FAM76A: variants seen among roughly 807,000 people sequenced by gnomAD.
FAM76A encodes protein FAM76A.
Under a neutral mutation model 46.2 loss-of-function variants are expected in FAM76A, and 32 were observed. That is an observed-to-expected ratio of 0.69 (90% confidence interval 0.52 to 0.93). The LOEUF is 0.93. Among genes scored for constraint, FAM76A ranks in the 40% least tolerant of loss-of-function variants. FAM76A has a pLI of 0.00. For synonymous variants in FAM76A, 137 were observed against 127.0 expected (o/e 1.08, Z -0.53); for missense variants, 274 against 361.5 (o/e 0.76, Z 1.96).
At chr1:27,748,457 C>T (rs2088278757) in intron 5 of FAM76A, among the ~76,000 whole-genome samples, 1 of 143,024 alleles carries the variant, frequency 7.0e-6, no homozygotes, top group South Asian at 2.2e-4. Flanking sequence ...ACAGATTATA[C>T]TTCTTATTGA....
rs1557775941 is a variant in FAM76A, at chr1:27,734,023, C to T, written c.202-8C>T. ...AATACTTACTTGACTCTTTTTTCCC[C>T]TTTTAAGCCCAAACCTTGTCAGTAT... On this transcript the variant is annotated splice_polypyrimidine_tract_variant and splice_region_variant and intron_variant, in intron 3 of 8. Coordinates refer to ENST00000373954, the MANE Select transcript of FAM76A (RefSeq NM_152660.3). The T allele has an allele frequency of 3.8e-6, 6 of 1,596,026 alleles. No homozygotes were observed. The East Asian group carries it at 6.7e-5, about 18-fold the overall frequency.
chr1:27,729,227 A>G (rs577271954), intron 2 of FAM76A, among the ~76,000 whole-genome samples: 5 of 151,008 alleles, frequency 3.3e-5, no homozygotes, highest in African/African-American at 1.2e-4. Context: ...TTCTTTTATG[A>G]GACAGGGTCT....
intron 4 of FAM76A, among the ~76,000 whole-genome samples, chr1:27,735,517 T>C (rs1277138302): frequency 1.3e-5 from 2 of 152,200 alleles, no homozygotes; most frequent in Admixed American, 1.3e-4. Flanking sequence ...AAGGGCTGAC[T>C]CTTGCTTACC....
chr1:27,759,486 A>G (rs751875896), intron 7 of FAM76A, 40 bp from the exon 8 acceptor site: 11 of 1,454,740 alleles, frequency 7.6e-6, no homozygotes, highest in Admixed American at 2.2e-5. Context: ...TTTTTATTGC[A>G]CAGAAATTTC....
At chr1:27,753,033 G>T (rs1436746393) in intron 6 of FAM76A, among the ~76,000 whole-genome samples, 1 of 152,144 alleles carries the variant, frequency 6.6e-6, no homozygotes, top group South Asian at 2.1e-4. Flanking sequence ...GGTGGCGCAC[G>T]CCTGTAATCC....
chr1:27,736,127 C>T (rs914603159), intron 4 of FAM76A, among the ~76,000 whole-genome samples: 1 of 152,042 alleles, frequency 6.6e-6, no homozygotes, highest in African/African-American at 2.4e-5. Context: ...TGAGACCAGC[C>T]TGGCTAACAT....
At chr1:27,737,885 A>C (rs1449390944) in intron 4 of FAM76A, among the ~76,000 whole-genome samples, 4 of 150,160 alleles carry the variant, frequency 2.7e-5, no homozygotes, top group African/African-American at 7.3e-5. Context: ...AAAAAAAAAA[A>C]AAAAAAACAG....
chr1:27,735,661 G>A (rs2088031816), intron 4 of FAM76A, among the ~76,000 whole-genome samples: 1 of 152,178 alleles, frequency 6.6e-6, no homozygotes, highest in African/African-American at 2.4e-5. Flanking sequence ...AGCACAAGCA[G>A]CAGTCCCCCA....
chr1:27,734,009 G>A, intron 3 of FAM76A, 22 bp from the exon 4 acceptor site: 1 of 1,596,302 alleles, frequency 6.3e-7, no homozygotes, highest in Non-Finnish European at 8.5e-7. Context: ...ATACTTACTT[G>A]ACTCTTTTTT....
chr1:27,756,055 A>G (rs1203788787), intron 7 of FAM76A, among the ~76,000 whole-genome samples: 1 of 152,214 alleles, frequency 6.6e-6, no homozygotes, highest in Admixed American at 6.5e-5. Context: ...GGAGGTAGTT[A>G]TGTAACTGGA....
chr1:27,740,329 C>T, intron 4 of FAM76A: 1 of 918,146 alleles, frequency 1.1e-6, no homozygotes, highest in Non-Finnish European at 1.8e-6. Context: ...GAGTATTTGG[C>T]ACCATGGACT....
At chr1:27,740,993 G>A (rs1195776979) in intron 4 of FAM76A, among the ~76,000 whole-genome samples, 1 of 151,862 alleles carries the variant, frequency 6.6e-6, no homozygotes, top group Non-Finnish European at 1.5e-5. Flanking sequence ...GCGTGGTGGT[G>A]CATGCCTATA....
intron 1 of FAM76A, 103 bp from the exon 2 acceptor site, chr1:27,727,369 A>T: frequency 1.1e-6 from 1 of 885,556 alleles, no homozygotes; most frequent in Non-Finnish European, 1.9e-6. Context: ...TGACTCACTC[A>T]AGCATAGTAG....
chr1:27,726,243 C>G lies in FAM76A; in HGVS notation c.81+82C>G, dbSNP rs956600158. ...CTCCAGATTCTGTGGGGACGCCCGG[C>G]GGGGTCCCCGGAGCAGGGTGTGGCA... On this transcript the variant is annotated intron_variant, in intron 1 of 8. Transcript: ENST00000373954. The G allele has an allele frequency of 2.6e-6, 3 of 1,153,128 alleles. No individual in the cohort carries two copies. In the African/African-American group the frequency reaches 4.8e-5, roughly 19 times the overall value. 71.4% of individuals were successfully genotyped at this position (1,153,128 alleles called of 1,614,324 possible).
At position 27,726,010 on chromosome 1, in the gene FAM76A, G is replaced by C; in HGVS notation, c.-71G>C. On this transcript the variant is annotated 5_prime_UTR_variant, in exon 1 of 9. Coordinates refer to ENST00000373954, the MANE Select transcript of FAM76A (RefSeq NM_152660.3). Reference sequence around the variant, plus strand: ...GCCAGCAGCCTGCAGCCGCCGCCGGGTTGTGCCTCAGACTGTCAGATAAAT... The same window carrying C: ...GCCAGCAGCCTGCAGCCGCCGCCGGCTTGTGCCTCAGACTGTCAGATAAAT... 1 of 1,183,752 alleles carries C rather than the reference G, an allele frequency of 8.4e-7. No individual in the cohort carries two copies. The highest frequency in any genetic ancestry group is 1.1e-6 in the Non-Finnish European group (1 of 944,974). The allele number at this position is 1,183,752 out of a possible 1,614,324, so 73.3% of individuals were successfully genotyped here. A position where few individuals can be genotyped will look rare whatever the true frequency, so the allele number is the denominator to read the frequency against.
intron 4 of FAM76A, among the ~76,000 whole-genome samples, chr1:27,738,639 A>G (rs1480521658): frequency 1.3e-5 from 2 of 152,234 alleles, no homozygotes; most frequent in Admixed American, 1.3e-4. Flanking sequence ...TGTTCCAGGT[A>G]TTAGAAATAA....
At chr1:27,760,438 A>G (rs2148589875) in intron 8 of FAM76A, 57 bp from the exon 9 acceptor site, 2 of 1,451,380 alleles carry the variant, frequency 1.4e-6, no homozygotes, top group South Asian at 2.4e-5. Context: ...TCTGCATGAA[A>G]AATAGCTTAT....
At chr1:27,728,858 G>A (rs1362106284) in intron 2 of FAM76A, among the ~76,000 whole-genome samples, 3 of 151,994 alleles carry the variant, frequency 2.0e-5, no homozygotes, top group Admixed American at 6.6e-5. Context: ...CAGCTACTTG[G>A]GGGGCTGAGG....
Position 27,748,192 on chromosome 1 carries a change from C to A in FAM76A, c.513-876C>A, listed in dbSNP as rs530367409. 7.1e-5 allele frequency among the ~76,000 whole-genome samples: 9 copies of A among 126,390 alleles called. No individual in the cohort carries two copies. The South Asian group carries it at 2.6e-3, about 36-fold the overall frequency. The allele number at this position is 126,390 out of a possible 152,430, so 82.9% of individuals were successfully genotyped here. On this transcript the variant is annotated intron_variant, in intron 5 of 8. Coordinates refer to ENST00000373954, the MANE Select transcript of FAM76A (RefSeq NM_152660.3). ...CCAGGCTGGAGTGCAGTGGCACAAT[C>A]TCGGCTCACTGCAAGCTCTGCCTCC...
Sources: gnomAD v4.1 joint callset for allele counts (sites outside exome capture counted in the v4.1 genomes callset) on GRCh38, gnomAD v4.1.1 for gene constraint, MANE v1.5 for transcripts, NCBI Gene and HGNC (gene_info 2026-07-23, HGNC 2026-07-21) for gene names.